MIR2052HG: variants seen among roughly 807,000 people sequenced by gnomAD.
MIR2052HG encodes the protein MIR2052 host gene.
chr8:74,604,835 C>A (rs2128730605), intron 1 of MIR2052HG, among the ~76,000 whole-genome samples: 1 of 152,148 alleles, frequency 6.6e-6, no homozygotes, highest in Admixed American at 6.5e-5. Context: ...CTCAAGTGAT[C>A]CTTCCATCTC....
intron 4 of MIR2052HG, among the ~76,000 whole-genome samples, chr8:74,736,644 A>G (rs1809747293): frequency 6.6e-6 from 1 of 152,236 alleles, no homozygotes; most frequent in African/African-American, 2.4e-5. Context: ...CAAGAGTCCC[A>G]TAGCTGACAT....
At chr8:74,612,317 T>C (rs1005008986) in intron 1 of MIR2052HG, 1 of 153,516 alleles carries the variant, frequency 6.5e-6, no homozygotes, top group Non-Finnish European at 1.5e-5. Context: ...TTCAGAGAAC[T>C]GTCCTGCAGA....
At chr8:74,692,340 C>T (rs1319618205) in intron 2 of MIR2052HG, among the ~76,000 whole-genome samples, 1 of 152,152 alleles carries the variant, frequency 6.6e-6, no homozygotes, top group Non-Finnish European at 1.5e-5. Context: ...GATCTGCCTA[C>T]CTCGGCCTCC....
chr8:74,660,435 G>A (rs375855357), intron 2 of MIR2052HG, among the ~76,000 whole-genome samples: 17 of 152,262 alleles, frequency 1.1e-4, no homozygotes, highest in Middle Eastern at 3.4e-3. Context: ...AGGTTTCTGC[G>A]CAAGAGAGAG....
intron 2 of MIR2052HG, among the ~76,000 whole-genome samples, chr8:74,645,958 AC>A (rs773622289): frequency 3.6e-4 from 54 of 151,972 alleles, no homozygotes; most frequent in Middle Eastern, 3.2e-3. Context: ...TTCATCAATG[AC>A]CCCTATTAGG....
chr8:74,618,245 C>T (rs908279947), intron 2 of MIR2052HG, among the ~76,000 whole-genome samples: 2 of 152,170 alleles, frequency 1.3e-5, no homozygotes, highest in African/African-American at 4.8e-5. Context: ...CACCATTTTC[C>T]GTCCTCTTGC....
At chr8:74,736,645 T>C (rs552515253) in intron 4 of MIR2052HG, among the ~76,000 whole-genome samples, 5 of 152,344 alleles carry the variant, frequency 3.3e-5, no homozygotes, top group South Asian at 2.1e-4. Context: ...AAGAGTCCCA[T>C]AGCTGACATT....
chr8:74,650,766 A>G (rs1808743287), intron 2 of MIR2052HG, among the ~76,000 whole-genome samples: 2 of 152,176 alleles, frequency 1.3e-5, no homozygotes, highest in South Asian at 2.1e-4. Flanking sequence ...ACAGGTTAAC[A>G]TGTGACTGAA....
chr8:74,636,672 A>G (rs923217109), intron 2 of MIR2052HG, among the ~76,000 whole-genome samples: 1 of 152,016 alleles, frequency 6.6e-6, no homozygotes, highest in African/African-American at 2.4e-5. Context: ...TGTCCATGCT[A>G]CCTATCGTAT....
At chr8:74,631,508 A>G (rs561800817) in intron 2 of MIR2052HG, among the ~76,000 whole-genome samples, 13 of 152,216 alleles carry the variant, frequency 8.5e-5, no homozygotes, top group Admixed American at 2.6e-4. Context: ...AGATTCTTCT[A>G]CCTTTTATGA....
intron 2 of MIR2052HG, among the ~76,000 whole-genome samples, chr8:74,635,397 A>T (rs1808570665): frequency 2.0e-5 from 3 of 152,128 alleles, no homozygotes; most frequent in African/African-American, 7.2e-5. Flanking sequence ...CCCAATGGAG[A>T]TGTCATTTGC....
At chr8:74,688,739 G>A (rs1248607249) in intron 2 of MIR2052HG, among the ~76,000 whole-genome samples, 1 of 152,132 alleles carries the variant, frequency 6.6e-6, no homozygotes, top group Non-Finnish European at 1.5e-5. Flanking sequence ...GGTGACTGGT[G>A]AGATTTTGGT....
At chr8:74,615,434 A>T (rs1318637656) in intron 2 of MIR2052HG, among the ~76,000 whole-genome samples, 1 of 152,208 alleles carries the variant, frequency 6.6e-6, no homozygotes, top group East Asian at 1.9e-4. Flanking sequence ...GACTGGCAGA[A>T]GGTGGGTACA....
chr8:74,712,726 C>T lies in MIR2052HG; in HGVS notation n.371+9044C>T, dbSNP rs1809482616. ...TTTTTTTTTTTTTTATAAATCTATTCACCTTGATCATTCAAATGTACTTAA... is the reference window on the plus strand; with the variant it reads ...TTTTTTTTTTTTTTATAAATCTATTTACCTTGATCATTCAAATGTACTTAA... On this transcript the variant is annotated intron_variant and non_coding_transcript_variant, in intron 4 of 6. Coordinates refer to ENST00000523442, the Ensembl canonical transcript of MIR2052HG. Among the ~76,000 whole-genome samples the T allele has an allele frequency of 2.7e-5, 4 of 145,734 alleles. No individual in the cohort carries two copies. The South Asian group carries it at 8.5e-4, about 31-fold the overall frequency.
chr8:74,719,761 G>A (rs2128753952), intron 4 of MIR2052HG, among the ~76,000 whole-genome samples: 1 of 151,980 alleles, frequency 6.6e-6, no homozygotes, highest in Non-Finnish European at 1.5e-5. Context: ...GCCTTAGCAG[G>A]AGGTGCTTGA....
At chr8:74,600,030 G>GAAC (rs1388795179) in intron 1 of MIR2052HG, 2 of 153,200 alleles carry the variant, frequency 1.3e-5, no homozygotes, top group East Asian at 3.8e-4. Flanking sequence ...CTCGGAAAGG[G>GAAC]AACTCCCTGA....
intron 2 of MIR2052HG, among the ~76,000 whole-genome samples, chr8:74,683,517 C>T (rs1197034218): frequency 6.6e-6 from 1 of 152,078 alleles, no homozygotes; most frequent in Non-Finnish European, 1.5e-5. Context: ...TCTTAATCTA[C>T]CTTTGCTGTT....
chr8:74,752,387 T>TGATAAAATGATAAAATG (rs1809956733), intron 4 of MIR2052HG: 1 of 442,130 alleles, frequency 2.3e-6, no homozygotes, highest in African/African-American at 2.0e-5. Flanking sequence ...TCCTTAGCAT[T>TGATAAAATGATAAAATG]TGATCACATT....
chr8:74,672,394 G>A (rs549262819), intron 2 of MIR2052HG, among the ~76,000 whole-genome samples: 4 of 152,046 alleles, frequency 2.6e-5, no homozygotes, highest in Non-Finnish European at 4.4e-5. Context: ...GAAAGAGATG[G>A]GTAAAAGGAT....
Sources: gnomAD v4.1 joint callset for allele counts (sites outside exome capture counted in the v4.1 genomes callset) on GRCh38, gnomAD v4.1.1 for gene constraint, MANE v1.5 for transcripts, NCBI Gene and HGNC (gene_info 2026-07-23, HGNC 2026-07-21) for gene names.